The following BRINP1 variants were observed in gnomAD, a reference collection of about 807,000 sequenced individuals.
BRINP1 encodes the protein BMP/retinoic acid inducible neural specific 1, also known as BMP/retinoic acid-inducible neural-specific protein 1.
BRINP1 carries 17 observed loss-of-function variants against 72.9 expected under a neutral mutation model. That is an observed-to-expected ratio of 0.23 (90% CI 0.16 to 0.35). The LOEUF is 0.35. Ranked by LOEUF, BRINP1 falls within the 10% of genes least tolerant of loss-of-function variation. BRINP1 has a pLI of 1.00. For missense variants in BRINP1, 850 were observed against 1,001.6 expected (o/e 0.85, Z 2.04); for synonymous variants, 418 against 378.5 (o/e 1.10, Z -1.21).
intron 2 of BRINP1, among the ~76,000 whole-genome samples, chr9:119,257,867 A>G (rs377745427): frequency 6.8e-4 from 103 of 152,272 alleles, no homozygotes; most frequent in African/African-American, 2.3e-3. Context: ...TGTCAGCTCC[A>G]AATCCCCTGC....
chr9:119,357,111 T>C (rs1831576797), intron 1 of BRINP1, among the ~76,000 whole-genome samples: 1 of 152,242 alleles, frequency 6.6e-6, no homozygotes, highest in African/African-American at 2.4e-5. Context: ...TAGTAGGTGA[T>C]CTTAATACCA....
At chr9:119,217,967 T>C (rs909342898) in intron 5 of BRINP1, among the ~76,000 whole-genome samples, 1 of 152,104 alleles carries the variant, frequency 6.6e-6, no homozygotes, top group African/African-American at 2.4e-5. Context: ...CCTTGTCCTA[T>C]AATCCAGACC....
chr9:119,222,937 A>C (rs113204035), intron 5 of BRINP1, among the ~76,000 whole-genome samples: 18 of 152,054 alleles, frequency 1.2e-4, no homozygotes, highest in Non-Finnish European at 1.8e-4. Flanking sequence ...TCATGATACA[A>C]ACCAAATTTG....
At chr9:119,329,593 G>A (rs997650002) in intron 1 of BRINP1, among the ~76,000 whole-genome samples, 3 of 152,154 alleles carry the variant, frequency 2.0e-5, no homozygotes, top group Admixed American at 2.0e-4. Flanking sequence ...TTGCATTCCA[G>A]TAAAACTTCA....
At chr9:119,262,045 T>C (rs1309977375) in intron 2 of BRINP1, among the ~76,000 whole-genome samples, 2 of 152,226 alleles carry the variant, frequency 1.3e-5, no homozygotes, top group African/African-American at 2.4e-5. Context: ...CAACTATATA[T>C]GGGCCAGGCA....
At chr9:119,210,226 A>T (rs887760015) in intron 6 of BRINP1, among the ~76,000 whole-genome samples, 1 of 152,228 alleles carries the variant, frequency 6.6e-6, no homozygotes, top group African/African-American at 2.4e-5. Flanking sequence ...AAAATTAAAA[A>T]TATCAAGGGG....
chr9:119,258,131 G>C (rs1351722889), intron 2 of BRINP1, among the ~76,000 whole-genome samples: 1 of 152,154 alleles, frequency 6.6e-6, no homozygotes, highest in Non-Finnish European at 1.5e-5. Flanking sequence ...TTTGCCAAAG[G>C]TGTTCACTTA....
intron 1 of BRINP1, among the ~76,000 whole-genome samples, chr9:119,323,337 G>T (rs1831208523): frequency 6.6e-6 from 1 of 152,198 alleles, no homozygotes; most frequent in Admixed American, 6.5e-5. Flanking sequence ...CAGAGCAGGG[G>T]CTGCAATTTG....
intron 4 of BRINP1, 88 bp from the exon 5 acceptor site, chr9:119,238,848 C>A: frequency 1.2e-6 from 1 of 861,734 alleles, no homozygotes; most frequent in Non-Finnish European, 1.8e-6. Context: ...CAGAGCAAAG[C>A]CTGCAGAAAA....
chr9:119,293,974 ATC>A (rs887113374), intron 2 of BRINP1, among the ~76,000 whole-genome samples: 3 of 152,184 alleles, frequency 2.0e-5, no homozygotes, highest in Non-Finnish European at 4.4e-5. Flanking sequence ...AAGTAAAATT[ATC>A]TCTGTTTGCA....
intron 7 of BRINP1, among the ~76,000 whole-genome samples, chr9:119,181,165 A>C (rs1046551003): frequency 6.6e-6 from 1 of 151,994 alleles, no homozygotes; most frequent in Non-Finnish European, 1.5e-5. Context: ...ACAGCAGGAC[A>C]CTCCCTGGTG....
intron 5 of BRINP1, among the ~76,000 whole-genome samples, chr9:119,229,480 G>C (rs1830126649): frequency 6.6e-6 from 1 of 152,050 alleles, no homozygotes; most frequent in Non-Finnish European, 1.5e-5. Context: ...AGGTCCGTTT[G>C]ACTCCAGGGC....
intron 2 of BRINP1, among the ~76,000 whole-genome samples, chr9:119,278,786 G>C (rs1264960184): frequency 6.6e-6 from 1 of 152,090 alleles, no homozygotes; most frequent in African/African-American, 2.4e-5. Flanking sequence ...TACTCAGGAG[G>C]CTGAGGCAGG....
At chr9:119,322,649 T>C (rs1191977237) in intron 1 of BRINP1, among the ~76,000 whole-genome samples, 3 of 152,176 alleles carry the variant, frequency 2.0e-5, no homozygotes, top group Non-Finnish European at 4.4e-5. Flanking sequence ...ACTGGGCTGA[T>C]GATCGCATCT....
intron 7 of BRINP1, among the ~76,000 whole-genome samples, chr9:119,203,849 CAATTGCTATTGTACCTCATCT>C (rs1297295984): frequency 1.3e-5 from 2 of 152,154 alleles, no homozygotes; most frequent in Non-Finnish European, 2.9e-5. Flanking sequence ...CAATTCTACT[CAATTGCTATTGTACCTCATCT>C]CCAAAATATA....
At chr9:119,238,936 A>G (rs1288942016) in intron 4 of BRINP1, among the ~76,000 whole-genome samples, 176 bp from the exon 5 acceptor site, 3 of 152,210 alleles carry the variant, frequency 2.0e-5, no homozygotes, top group Non-Finnish European at 2.9e-5. Flanking sequence ...GTCACTGAGT[A>G]GACAGGTAAG....
intron 5 of BRINP1, among the ~76,000 whole-genome samples, chr9:119,228,223 A>T (rs1332444): frequency 0.47 from 70,968 of 150,220 alleles, 17,015 homozygotes; most frequent in Middle Eastern, 0.67. Context: ...TCCTTATCTC[A>T]TTATCTTCCA....
intron 7 of BRINP1, among the ~76,000 whole-genome samples, chr9:119,183,426 C>G (rs1829579030): frequency 6.6e-6 from 1 of 152,084 alleles, no homozygotes; most frequent in African/African-American, 2.4e-5. Context: ...CAAAACTGAC[C>G]TACACTGGAT....
At chr9:119,289,019 C>T (rs190916601) in intron 2 of BRINP1, among the ~76,000 whole-genome samples, 47 of 152,250 alleles carry the variant, frequency 3.1e-4, no homozygotes, top group African/African-American at 1.1e-3. Context: ...AGGCTGATCT[C>T]GAACTCCTGA....
Sources: gnomAD v4.1 joint callset for allele counts (sites outside exome capture counted in the v4.1 genomes callset) on GRCh38, gnomAD v4.1.1 for gene constraint, MANE v1.5 for transcripts, NCBI Gene and HGNC (gene_info 2026-07-23, HGNC 2026-07-21) for gene names.